The following PRKCQ variants were observed in gnomAD, a reference collection of about 807,000 sequenced individuals.
PRKCQ encodes protein kinase C theta type.
A neutral mutation model predicts 91.2 loss-of-function variants in PRKCQ; 41 were observed. The observed-to-expected ratio is 0.45, with a 90% CI of 0.35 to 0.58. The LOEUF is 0.58. PRKCQ is among the 20% of genes least tolerant of loss of function. The pLI is 0.00. For synonymous variants in PRKCQ, 307 were observed against 316.9 expected (o/e 0.97, Z 0.33); for missense variants, 673 against 896.5 (o/e 0.75, Z 3.18).
chr10:6,461,330 T>TA (rs1248100132), intron 14 of PRKCQ, among the ~76,000 whole-genome samples: 1 of 152,172 alleles, frequency 6.6e-6, no homozygotes, highest in African/African-American at 2.4e-5. Flanking sequence ...AGTGCCTAGG[T>TA]ACAAAAATAT....
chr10:6,572,213 G>T (rs766866428), intron 1 of PRKCQ, among the ~76,000 whole-genome samples: 33 of 152,186 alleles, frequency 2.2e-4, no homozygotes, highest in Non-Finnish European at 4.6e-4. Context: ...CCATAGGTAT[G>T]TAATTTTCTT....
At chr10:6,536,975 G>A (rs1424213281) in intron 1 of PRKCQ, among the ~76,000 whole-genome samples, 1 of 152,060 alleles carries the variant, frequency 6.6e-6, no homozygotes, top group African/African-American at 2.4e-5. Context: ...CCCAGTTCTC[G>A]CTCTCCCAAG....
intron 4 of PRKCQ, among the ~76,000 whole-genome samples, chr10:6,504,415 C>T (rs1838078456): frequency 6.6e-6 from 1 of 152,198 alleles, no homozygotes; most frequent in African/African-American, 2.4e-5. Flanking sequence ...TGCTGGTCTA[C>T]CTAGGCTGTT....
chr10:6,512,086 G>A (rs938232969), intron 2 of PRKCQ: 11 of 152,200 alleles, frequency 7.2e-5, no homozygotes, highest in African/African-American at 2.7e-4. Context: ...AAACTACTGT[G>A]TGTTCATCTG....
At chr10:6,411,943 G>C in the PRKCQ span, among the ~76,000 whole-genome samples, 1 of 152,180 alleles carries the variant, frequency 6.6e-6, no homozygotes, top group Non-Finnish European at 1.5e-5. Flanking sequence ...GTATTTGATA[G>C]ATACTAAGTC....
intron 7 of PRKCQ, among the ~76,000 whole-genome samples, chr10:6,492,943 C>T (rs1425165982): frequency 6.6e-6 from 1 of 152,168 alleles, no homozygotes; most frequent in Non-Finnish European, 1.5e-5. Flanking sequence ...CTTTAGAAAG[C>T]CTGTGTAGAA....
Position 6,430,604 on chromosome 10 carries a change from T to G in PRKCQ, c.1965+206A>C, listed in dbSNP as rs957023650. On this transcript the variant is annotated intron_variant, in intron 17 of 17. Transcript: ENST00000263125. The surrounding 1 kb of genome is among the most constrained non-coding windows in gnomAD (Gnocchi z 4.7). ...GCAGGCGCATCTTGACGACAGAGAT[T>G]AAATTTTGCAAACAAGAGTGACCTC... Among the ~76,000 whole-genome samples the G allele has an allele frequency of 6.6e-6, 1 of 152,156 alleles. No homozygotes were observed. The highest frequency in any genetic ancestry group is 2.4e-5 in the African/African-American group (1 of 41,430).
chr10:6,395,686 A>C, the PRKCQ span, among the ~76,000 whole-genome samples: 1 of 152,218 alleles, frequency 6.6e-6, no homozygotes, highest in African/African-American at 2.4e-5. Context: ...GTTTTAAACT[A>C]TAAACTAAGT....
At chr10:6,444,558 T>C (rs962194467) in intron 15 of PRKCQ, among the ~76,000 whole-genome samples, 4 of 152,084 alleles carry the variant, frequency 2.6e-5, no homozygotes, top group African/African-American at 9.7e-5. Context: ...AGTTGCTTTA[T>C]TAGCCAAAAC....
chr10:6,561,369 CAAAAAAAAAAAAAAA>C (rs3086735), intron 1 of PRKCQ, among the ~76,000 whole-genome samples: 3 of 82,638 alleles, frequency 3.6e-5, no homozygotes, highest in Admixed American at 1.5e-4. Context: ...GACCCTGTCT[CAAAAAAAAAAAAAAA>C]AAAAAAAAAA....
chr10:6,442,184 T>C, intron 15 of PRKCQ, 103 bp from the exon 16 acceptor site: 1 of 1,164,020 alleles, frequency 8.6e-7, no homozygotes, highest in Non-Finnish European at 1.2e-6. Flanking sequence ...TCGAGGATGA[T>C]GGTGTGCAAG....
At chr10:6,527,144 C>T (rs936183065) in intron 1 of PRKCQ, among the ~76,000 whole-genome samples, 3 of 152,194 alleles carry the variant, frequency 2.0e-5, no homozygotes, top group South Asian at 2.1e-4. Flanking sequence ...ATTTTGGACA[C>T]GTTAACTTTG....
At chr10:6,462,714 A>G (rs542817) in intron 13 of PRKCQ, among the ~76,000 whole-genome samples, 19,086 of 152,172 alleles carry the variant, frequency 0.13, 1,445 homozygotes, top group African/African-American at 0.21. Context: ...CATTAAAAGT[A>G]ATAGTATAGG....
intron 8 of PRKCQ, chr10:6,489,574 T>C: frequency 2.2e-6 from 1 of 452,326 alleles, no homozygotes; most frequent in Non-Finnish European, 4.6e-6. Flanking sequence ...GGAAGAGAGC[T>C]GGAGAAGAGG....
intron 1 of PRKCQ, among the ~76,000 whole-genome samples, chr10:6,573,425 C>T (rs10796286): frequency 0.47 from 72,137 of 152,022 alleles, 20,900 homozygotes; most frequent in Non-Finnish European, 0.62. Context: ...CATCTTCCAT[C>T]CCCACCCGCG....
intron 11 of PRKCQ, among the ~76,000 whole-genome samples, chr10:6,482,347 A>G (rs553502124): frequency 6.6e-6 from 1 of 152,328 alleles, no homozygotes; most frequent in South Asian, 2.1e-4. Context: ...CTGTAATCCC[A>G]GCTACTAGGG....
intron 15 of PRKCQ, among the ~76,000 whole-genome samples, chr10:6,451,661 T>G (rs1834688229): frequency 6.6e-6 from 1 of 152,098 alleles, no homozygotes; most frequent in South Asian, 2.1e-4. Flanking sequence ...TGATGAACAT[T>G]GATGCAAAAA....
chr10:6,401,962 G>C, the PRKCQ span, among the ~76,000 whole-genome samples: 1 of 152,176 alleles, frequency 6.6e-6, no homozygotes, highest in African/African-American at 2.4e-5. Context: ...AGCAGGGACG[G>C]AAACTGCAGC....
the PRKCQ span, among the ~76,000 whole-genome samples, chr10:6,418,845 CATCT>C: frequency 2.6e-5 from 4 of 152,168 alleles, no homozygotes; most frequent in Admixed American, 6.5e-5. Context: ...ACCTATGTAT[CATCT>C]ATCTATTCTG....
Sources: gnomAD v4.1 joint callset for allele counts (sites outside exome capture counted in the v4.1 genomes callset) on GRCh38, gnomAD v4.1.1 for gene constraint, Gnocchi (gnomAD v3.1) non-coding constraint, MANE v1.5 for transcripts, NCBI Gene and HGNC (gene_info 2026-07-23, HGNC 2026-07-21) for gene names.